OTUD1: variants seen among roughly 807,000 people sequenced by gnomAD.
OTUD1 encodes OTU deubiquitinase 1.
A neutral mutation model predicts 30.0 loss-of-function variants in OTUD1; 15 were observed. The observed-to-expected ratio is 0.50, with a 90% CI of 0.33 to 0.77. The LOEUF (loss-of-function observed/expected upper bound fraction) is 0.77. OTUD1 is among the 30% of genes least tolerant of loss of function. The probability of loss-of-function intolerance (pLI) is 0.02; values close to 1 mark genes in which losing one functional copy is unlikely to be tolerated. For synonymous variants in OTUD1, 381 were observed against 326.3 expected (o/e 1.17, Z -1.81); for missense variants, 796 against 697.8 (o/e 1.14, Z -1.59).
Position 23,439,741 on chromosome 10 carries a change from C to A in OTUD1, c.284C>A (p.Pro95Gln), listed in dbSNP as rs747091252. The change falls in exon 1 of 1, where the codon CCG (proline) becomes CAG (glutamine). Residue 95 changes from proline to glutamine, a missense_variant. Transcript: ENST00000376495. ...GCGCCCGCCTCCGCCGCCGCCGGCCCGCCCGGCGCGTCCTGCAAGCCGCCG... is the reference window on the plus strand; with the variant it reads ...GCGCCCGCCTCCGCCGCCGCCGGCCAGCCCGGCGCGTCCTGCAAGCCGCCG... ...AAAPASAAAG[P>Q]PGASCKPPLP... 2 of 1,167,758 alleles carry A rather than the reference C, an allele frequency of 1.7e-6. No individual in the cohort carries two copies. Among genetic ancestry groups the A allele is most frequent in the South Asian group, 3.3e-5 (1 of 30,108 alleles). The allele number at this position is 1,167,758 out of a possible 1,614,324, so 72.3% of individuals were successfully genotyped here. A position where few individuals can be genotyped will look rare whatever the true frequency, so the allele number is the denominator to read the frequency against.
chr10:23,439,718 G>A lies in OTUD1; in HGVS notation c.261G>A (p.Ala87=). The A allele has an allele frequency of 1.7e-6, 2 of 1,180,778 alleles. No homozygotes were observed. Among genetic ancestry groups the A allele is most frequent in the Non-Finnish European group, 1.0e-6 (1 of 959,204 alleles). 73.1% of individuals were successfully genotyped at this position (1,180,778 alleles called of 1,614,324 possible). A position where few individuals can be genotyped will look rare whatever the true frequency, so the allele number is the denominator to read the frequency against. Reference sequence around the variant, plus strand: ...TCGAGGTGGTGTCCGGGGCCGCCGCGCCCGCCTCCGCCGCCGCCGGCCCGC... The same window carrying A: ...TCGAGGTGGTGTCCGGGGCCGCCGCACCCGCCTCCGCCGCCGCCGGCCCGC... ...SCFEVVSGAA[A]PASAAAGPPG... Residue 87 remains alanine, a synonymous_variant, in exon 1 of 1, where the codon GCG becomes GCA. Transcript: ENST00000376495.
Position 23,440,465 on chromosome 10 carries a change from C to T in OTUD1, c.1008C>T (p.His336=), listed in dbSNP as rs1564551474. Residue 336 remains histidine, a synonymous_variant, in exon 1 of 1, where the codon CAC becomes CAT. Coordinates refer to ENST00000376495, the MANE Select transcript of OTUD1 (RefSeq NM_001145373.3). ...CGGTGTATGGGGACCAGAGCCTGCA[C>T]CGGGAGTTGAGGGAGCAGACGGTGC... ...SKTVYGDQSL[H]RELREQTVHY... 1.3e-6 allele frequency: 2 copies of T among 1,551,706 alleles called. No individual in the cohort carries two copies. The highest frequency in any genetic ancestry group is 8.7e-7 in the Non-Finnish European group (1 of 1,147,000).
Position 23,439,407 on chromosome 10 carries a change from C to A in OTUD1, c.-51C>A. ...TCCCCCGGGCCCGGAGGGTGTGTCC[C>A]CCGCTCCGGGGCTCGCCGCGCCTAT... On this transcript the variant is annotated 5_prime_UTR_variant, in exon 1 of 1. Transcript: ENST00000376495. The A allele has an allele frequency of 8.1e-7, 1 of 1,234,962 alleles. No homozygotes were observed. Among genetic ancestry groups the A allele is most frequent in the African/African-American group, 1.6e-5 (1 of 63,136 alleles). 76.5% of individuals were successfully genotyped at this position (1,234,962 alleles called of 1,614,324 possible).
Position 23,441,997 on chromosome 10 carries a change from C to T in OTUD1, c.*1094C>T, listed in dbSNP as rs1285106045. The T allele has an allele frequency of 6.0e-6, 1 of 166,926 alleles. No homozygotes were observed. The highest frequency in any genetic ancestry group is 1.5e-5 in the Non-Finnish European group (1 of 68,112). 10.3% of individuals were successfully genotyped at this position (166,926 alleles called of 1,614,324 possible). The stretch of plus-strand genomic sequence containing the variant: ...GGTTTGCTGGGTCAAACAATGTTTC[C>T]AACTTAAAATCAATCTCATTGCCAC... On this transcript the variant is annotated 3_prime_UTR_variant, in exon 1 of 1. Transcript: ENST00000376495.
Position 23,440,191 on chromosome 10 carries a change from ACG to A in OTUD1, c.738_739del (p.Pro247ArgfsTer26). 6.8e-7 allele frequency: 1 copy of A among 1,463,470 alleles called. No individual in the cohort carries two copies. Among genetic ancestry groups the A allele is most frequent in the Non-Finnish European group, 9.0e-7 (1 of 1,109,108 alleles). The allele number at this position is 1,463,470 out of a possible 1,614,324, so 90.7% of individuals were successfully genotyped here. A position where few individuals can be genotyped will look rare whatever the true frequency, so the allele number is the denominator to read the frequency against. ...TGGGAGAGGGGCGGCGATCGCTGCGACGCGCCCGGTGGGGACGCGGCGCGGAG... is the reference window on the plus strand; with the variant it reads ...TGGGAGAGGGGCGGCGATCGCTGCGACGCCCGGTGGGGACGCGGCGCGGAG... On this transcript the variant is annotated frameshift_variant, in exon 1 of 1. Transcript: ENST00000376495. LOFTEE classifies it high-confidence loss of function.
chr10:23,439,488 T>C lies in OTUD1; in HGVS notation c.31T>C (p.Tyr11His). The change falls in exon 1 of 1, where the codon TAC becomes CAC. Residue 11 changes from tyrosine (Y) to histidine (H), a missense_variant. Coordinates refer to ENST00000376495, the MANE Select transcript of OTUD1 (RefSeq NM_001145373.3). ...GCTCTACAGCAGCGTCTGCACCCACTACCCCGCCGGGGCCCCGGGTCCCAC... is the reference window on the plus strand; with the variant it reads ...GCTCTACAGCAGCGTCTGCACCCACCACCCCGCCGGGGCCCCGGGTCCCAC... MQLYSSVCTH[Y>H]PAGAPGPTAA... 7.4e-7 allele frequency: 1 copy of C among 1,360,334 alleles called. No homozygotes were observed. Among genetic ancestry groups the C allele is most frequent in the Non-Finnish European group, 9.5e-7 (1 of 1,056,518 alleles). The allele number at this position is 1,360,334 out of a possible 1,614,324, so 84.3% of individuals were successfully genotyped here. A position where few individuals can be genotyped will look rare whatever the true frequency, so the allele number is the denominator to read the frequency against.
chr10:23,442,103 C>T lies in OTUD1; in HGVS notation c.*1200C>T, dbSNP rs937878099. 6.0e-6 allele frequency: 1 copy of T among 166,748 alleles called. No individual in the cohort carries two copies. The highest frequency in any genetic ancestry group is 2.4e-5 in the African/African-American group (1 of 41,376). The allele number at this position is 166,748 out of a possible 1,614,324, so 10.3% of individuals were successfully genotyped here. A position where few individuals can be genotyped will look rare whatever the true frequency, so the allele number is the denominator to read the frequency against. The stretch of plus-strand genomic sequence containing the variant: ...TGTAACATTTTGTGATTTTTTTGTA[C>T]AAAACTGTATTTGTACAATAGAGCA... On this transcript the variant is annotated 3_prime_UTR_variant, in exon 1 of 1. Transcript: ENST00000376495.
chr10:23,441,281 GACAA>G lies in OTUD1; in HGVS notation c.*382_*385del, dbSNP rs1847125730. On this transcript the variant is annotated 3_prime_UTR_variant, in exon 1 of 1. Coordinates refer to ENST00000376495, the MANE Select transcript of OTUD1 (RefSeq NM_001145373.3). Reference sequence around the variant, plus strand: ...CTTCATCTATGACGTGTTCCATTTTGACAAACAGCTTTCAGGCGTAAATCCAGAG... The same window carrying G: ...CTTCATCTATGACGTGTTCCATTTTGACAGCTTTCAGGCGTAAATCCAGAG... 5.2e-6 allele frequency: 1 copy of G among 190,508 alleles called. No homozygotes were observed. Among genetic ancestry groups the G allele is most frequent in the South Asian group, 1.5e-4 (1 of 6,766 alleles). 11.8% of individuals were successfully genotyped at this position (190,508 alleles called of 1,614,324 possible). A position where few individuals can be genotyped will look rare whatever the true frequency, so the allele number is the denominator to read the frequency against.
In OTUD1 at chr10:23,439,709, GGCCGCCGCGCCCGCCTCCGCC is replaced by G; in HGVS notation, c.260_280del (p.Ala87_Ala93del). The G allele has an allele frequency of 1.7e-6, 2 of 1,198,780 alleles. 1 individual carries two copies. The highest frequency in any genetic ancestry group is 5.9e-5 in the South Asian group (2 of 34,056). The allele number at this position is 1,198,780 out of a possible 1,614,324, so 74.3% of individuals were successfully genotyped here. A position where few individuals can be genotyped will look rare whatever the true frequency, so the allele number is the denominator to read the frequency against. On this transcript the variant is annotated inframe_deletion, in exon 1 of 1. Transcript: ENST00000376495. ...CCTCCTGCTTCGAGGTGGTGTCCGGGGCCGCCGCGCCCGCCTCCGCCGCCGCCGGCCCGCCCGGCGCGTCCT... is the reference window on the plus strand; with the variant it reads ...CCTCCTGCTTCGAGGTGGTGTCCGGGGCCGCCGGCCCGCCCGGCGCGTCCT...
At position 23,439,790 on chromosome 10, in the gene OTUD1, C is replaced by T; in HGVS notation, c.333C>T (p.Thr111=). Residue 111 remains threonine (T), a synonymous_variant, in exon 1 of 1, where the codon ACC becomes ACT. Coordinates refer to ENST00000376495, the MANE Select transcript of OTUD1 (RefSeq NM_001145373.3). ...CGCTGCCGCCGCACTACACGTCCAC[C>T]GCACAGATCACCGTGCGGGCCCTGG... ...KPPLPPHYTS[T]AQITVRALGA... is the part of the protein sequence containing the mutation. 8.7e-7 allele frequency: 1 copy of T among 1,145,848 alleles called. No homozygotes were observed. Among genetic ancestry groups the T allele is most frequent in the Non-Finnish European group, 1.1e-6 (1 of 935,352 alleles). 71.0% of individuals were successfully genotyped at this position (1,145,848 alleles called of 1,614,324 possible).
rs1847109253 is a variant in OTUD1, at chr10:23,439,981, A to C, written c.524A>C (p.Asp175Ala). ...CTCCTGGAGGAGCTGCTGCGGCCCGACTGCCCCGAGCCCGCGGGCTTGGAC... is the reference window on the plus strand; with the variant it reads ...CTCCTGGAGGAGCTGCTGCGGCCCGCCTGCCCCGAGCCCGCGGGCTTGGAC... ...AWLLEELLRP[D>A]CPEPAGLDAT... Residue 175 changes from aspartate (D) to alanine (A), a missense_variant, in exon 1 of 1, where the codon GAC becomes GCC. Asp to Ala is a moderately radical substitution (Grantham distance 126). Transcript: ENST00000376495. 10 of 1,327,182 alleles carry C rather than the reference A, an allele frequency of 7.5e-6. No individual in the cohort carries two copies. The East Asian group carries it at 3.1e-4, about 42-fold the overall frequency. The allele number at this position is 1,327,182 out of a possible 1,614,324, so 82.2% of individuals were successfully genotyped here.
In OTUD1 at chr10:23,439,745, C is replaced by G; in HGVS notation, c.288C>G (p.Pro96=). Residue 96 remains proline (P), a synonymous_variant, in exon 1 of 1, where the codon CCC becomes CCG. Coordinates refer to ENST00000376495, the MANE Select transcript of OTUD1 (RefSeq NM_001145373.3). ...AAPASAAAGP[P]GASCKPPLPP... The stretch of plus-strand genomic sequence containing the variant: ...CCGCCTCCGCCGCCGCCGGCCCGCC[C>G]GGCGCGTCCTGCAAGCCGCCGCTGC... 1 of 1,165,934 alleles carries G rather than the reference C, an allele frequency of 8.6e-7. No homozygotes were observed. Among genetic ancestry groups the G allele is most frequent in the Non-Finnish European group, 1.1e-6 (1 of 949,540 alleles). The allele number at this position is 1,165,934 out of a possible 1,614,324, so 72.2% of individuals were successfully genotyped here.
chr10:23,442,295 C>T lies in OTUD1; in HGVS notation c.*1392C>T, dbSNP rs1847138838. 6.0e-6 allele frequency: 1 copy of T among 166,906 alleles called. No individual in the cohort carries two copies. Among genetic ancestry groups the T allele is most frequent in the Non-Finnish European group, 1.5e-5 (1 of 68,096 alleles). 10.3% of individuals were successfully genotyped at this position (166,906 alleles called of 1,614,324 possible). A position where few individuals can be genotyped will look rare whatever the true frequency, so the allele number is the denominator to read the frequency against. ...AGATGCCACAGCAATAGAGAGGTTT[C>T]CTAAATTATCACATGAAGAGGATAG... is the stretch of plus-strand genomic sequence containing the variant. On this transcript the variant is annotated 3_prime_UTR_variant, in exon 1 of 1. Coordinates refer to ENST00000376495, the MANE Select transcript of OTUD1 (RefSeq NM_001145373.3).
chr10:23,439,696 A>C lies in OTUD1; in HGVS notation c.239A>C (p.Glu80Ala). ...AKMPAFSSCF[E>A]VVSGAAAPAS... Reference sequence around the variant, plus strand: ...ATGCCCGCCTTCTCCTCCTGCTTCGAGGTGGTGTCCGGGGCCGCCGCGCCC... The same window carrying C: ...ATGCCCGCCTTCTCCTCCTGCTTCGCGGTGGTGTCCGGGGCCGCCGCGCCC... The change falls in exon 1 of 1, where the codon GAG (glutamate) becomes GCG (alanine). Residue 80 changes from glutamate (E) to alanine (A), a missense_variant. Glu to Ala is a moderately radical substitution (Grantham distance 107). Coordinates refer to ENST00000376495, the MANE Select transcript of OTUD1 (RefSeq NM_001145373.3). 39 of 1,259,076 alleles carry C rather than the reference A, an allele frequency of 3.1e-5. No homozygotes were observed. The highest frequency in any genetic ancestry group is 3.9e-5 in the Non-Finnish European group (39 of 996,316). The allele number at this position is 1,259,076 out of a possible 1,614,324, so 78.0% of individuals were successfully genotyped here. A position where few individuals can be genotyped will look rare whatever the true frequency, so the allele number is the denominator to read the frequency against.
chr10:23,439,426 C>T lies in OTUD1; in HGVS notation c.-32C>T, dbSNP rs1847100478. On this transcript the variant is annotated 5_prime_UTR_variant, in exon 1 of 1. Transcript: ENST00000376495. ...GTGTCCCCCGCTCCGGGGCTCGCCG[C>T]GCCTATAAGGGGCCGAGCGGCGGGC... is the stretch of plus-strand genomic sequence containing the variant. 1 of 1,254,056 alleles carries T rather than the reference C, an allele frequency of 8.0e-7. No homozygotes were observed. The allele number at this position is 1,254,056 out of a possible 1,614,324, so 77.7% of individuals were successfully genotyped here.
Position 23,442,034 on chromosome 10 carries a change from T to G in OTUD1, c.*1131T>G, listed in dbSNP as rs1847135322. Reference sequence around the variant, plus strand: ...AATCTCATTGCCACTTTAACTACTTTTAGTCATATTTATTAAGTAATGCAG... The same window carrying G: ...AATCTCATTGCCACTTTAACTACTTGTAGTCATATTTATTAAGTAATGCAG... On this transcript the variant is annotated 3_prime_UTR_variant, in exon 1 of 1. Coordinates refer to ENST00000376495, the MANE Select transcript of OTUD1 (RefSeq NM_001145373.3). The G allele has an allele frequency of 6.0e-6, 1 of 167,018 alleles. No individual in the cohort carries two copies. Among genetic ancestry groups the G allele is most frequent in the Admixed American group, 6.5e-5 (1 of 15,294 alleles). The allele number at this position is 167,018 out of a possible 1,614,324, so 10.3% of individuals were successfully genotyped here. A position where few individuals can be genotyped will look rare whatever the true frequency, so the allele number is the denominator to read the frequency against.
rs766110879 is a variant in OTUD1 at position 23,440,331 on chromosome 10, C to T, written c.874C>T (p.Leu292=). 15 of 1,551,214 alleles carry T rather than the reference C, an allele frequency of 9.7e-6. No homozygotes were observed. Among genetic ancestry groups the T allele is most frequent in the African/African-American group, 5.5e-5 (4 of 73,068 alleles). The change falls in exon 1 of 1, where the codon CTA becomes TTA. Residue 292 remains leucine, a synonymous_variant. Coordinates refer to ENST00000376495, the MANE Select transcript of OTUD1 (RefSeq NM_001145373.3). ...RSDPRDEKLA[L]YLAEVEKQDK... ...GGATCCCAGAGACGAGAAGCTGGCC[C>T]TATACCTGGCCGAGGTGGAGAAGCA...
chr10:23,440,966 A>G lies in OTUD1; in HGVS notation c.*63A>G, dbSNP rs1272569550. 6 of 1,469,966 alleles carry G rather than the reference A, an allele frequency of 4.1e-6. No homozygotes were observed. Among genetic ancestry groups the G allele is most frequent in the Non-Finnish European group, 5.5e-6 (6 of 1,096,244 alleles). 91.1% of individuals were successfully genotyped at this position (1,469,966 alleles called of 1,614,324 possible). A position where few individuals can be genotyped will look rare whatever the true frequency, so the allele number is the denominator to read the frequency against. On this transcript the variant is annotated 3_prime_UTR_variant, in exon 1 of 1. Transcript: ENST00000376495. Reference sequence around the variant, plus strand: ...ATATAACTTGTGTTTGGAGAATCACATGAACTTTAATCAGGGTAATAGCAC... The same window carrying G: ...ATATAACTTGTGTTTGGAGAATCACGTGAACTTTAATCAGGGTAATAGCAC...
In OTUD1 at chr10:23,440,491, A is replaced by G. The variant is rs1046671394; in HGVS notation, c.1034A>G (p.His345Arg). ...CGGGAGTTGAGGGAGCAGACGGTGC[A>G]CTACATCGCCGACCATCTCGACCAC... The part of the protein sequence containing the change: ...LHRELREQTV[H>R]YIADHLDHFS... The change falls in exon 1 of 1, where the codon CAC (histidine) becomes CGC (arginine). Residue 345 changes from histidine to arginine, a missense_variant. Transcript: ENST00000376495. 6.4e-7 allele frequency: 1 copy of G among 1,551,600 alleles called. No individual in the cohort carries two copies. Among genetic ancestry groups the G allele is most frequent in the Non-Finnish European group, 8.7e-7 (1 of 1,147,022 alleles).
Sources: allele counts gnomAD v4.1 joint callset, GRCh38; gene constraint gnomAD v4.1.1; transcripts MANE v1.5; gene names NCBI Gene and HGNC (gene_info 2026-07-23, HGNC 2026-07-21).